Variants in SOX6 observed in about 807,000 individuals in gnomAD.
SOX6 encodes SRY-box transcription factor 6.
Under a neutral mutation model 97.8 loss-of-function variants are expected in SOX6, and 11 were observed. The observed-to-expected ratio is 0.11, with a 90% confidence interval of 0.07 to 0.19. The LOEUF (loss-of-function observed/expected upper bound fraction) is 0.19. Among genes scored for constraint, SOX6 ranks in the 10% least tolerant of loss-of-function variants. The probability of loss-of-function intolerance (pLI) is 1.00; values close to 1 mark genes in which losing one functional copy is unlikely to be tolerated. For synonymous variants in SOX6, 360 were observed against 371.4 expected, an observed-to-expected ratio of 0.97 and a Z score of 0.35; for missense variants, 810 against 1,039.5, an observed-to-expected ratio of 0.78 and a Z score of 3.04.
At chr11:16,429,332 T>A (rs1373122422) in intron 1 of SOX6, among the ~76,000 whole-genome samples, 1 of 151,982 alleles carries the variant, frequency 6.6e-6, no homozygotes, top group East Asian at 1.9e-4. Context: ...TGAGTACATA[T>A]CCAGAGGAAT....
chr11:16,685,251 T>A (rs1032673484), intron 3 of SOX6, among the ~76,000 whole-genome samples: 1 of 152,144 alleles, frequency 6.6e-6, no homozygotes, highest in Non-Finnish European at 1.5e-5. Context: ...TTCCCATTAG[T>A]CCCCCAAAGT....
intron 3 of SOX6, among the ~76,000 whole-genome samples, chr11:16,705,441 A>G (rs968435630): frequency 6.6e-6 from 1 of 152,072 alleles, no homozygotes; most frequent in Non-Finnish European, 1.5e-5. Flanking sequence ...CCTGGGCAAT[A>G]TAGAGAGACC....
At position 16,132,398 on chromosome 11, in the gene SOX6, GA is replaced by G. The variant is rs372372378; in HGVS notation, c.778-20476del. On this transcript the variant is annotated intron_variant, in intron 6 of 15. Transcript: ENST00000683767. ...AGAAAGAAAGAAAGAAAGAAAGAAA[GA>G]AAAAAGAAAGAAAGAAAGAAAGAAA... Among the ~76,000 whole-genome samples, 61 of 48,110 alleles carry G rather than the reference GA, an allele frequency of 1.3e-3. 3 individuals are homozygous for G. Among genetic ancestry groups the G allele is most frequent in the East Asian group, 7.6e-3 (11 of 1,440 alleles). 31.6% of individuals were successfully genotyped at this position (48,110 alleles called of 152,430 possible). A position where few individuals can be genotyped will look rare whatever the true frequency, so the allele number is the denominator to read the frequency against.
chr11:16,069,392 G>A (rs1259213956), intron 9 of SOX6, among the ~76,000 whole-genome samples: 1 of 152,054 alleles, frequency 6.6e-6, no homozygotes, highest in Non-Finnish European at 1.5e-5. Flanking sequence ...TGTTCTCTTA[G>A]TGAACTGCAA....
chr11:16,241,168 T>C (rs1853184853), intron 3 of SOX6, among the ~76,000 whole-genome samples: 1 of 152,038 alleles, frequency 6.6e-6, no homozygotes, highest in South Asian at 2.1e-4. Context: ...AAAGCTCTCC[T>C]TTTCTGAATA....
intron 12 of SOX6, among the ~76,000 whole-genome samples, chr11:16,042,823 G>A (rs911129019): frequency 3.9e-5 from 6 of 152,138 alleles, no homozygotes; most frequent in Admixed American, 3.9e-4. Context: ...TTTTTCTCAA[G>A]TGATTCCCAG....
chr11:16,386,951 A>G (rs1858005482), intron 1 of SOX6, among the ~76,000 whole-genome samples: 1 of 152,186 alleles, frequency 6.6e-6, no homozygotes, highest in Non-Finnish European at 1.5e-5. Context: ...CCAAATATTC[A>G]TTATGTGAGT....
chr11:16,010,154 A>ACACG (rs1370853827), intron 13 of SOX6, among the ~76,000 whole-genome samples: 38 of 151,744 alleles, frequency 2.5e-4, no homozygotes, highest in African/African-American at 8.9e-4. Context: ...ACACACACAC[A>ACACG]CACACACACA....
Position 16,346,762 on chromosome 11 carries a change from A to G in SOX6, c.-4-5510T>C, listed in dbSNP as rs568732752. On this transcript the variant is annotated intron_variant, in intron 1 of 15. Transcript: ENST00000683767. ...GTAACTATTAGAAGAAAACTCACTG[A>G]TTAGAATTAGCTGTCAAATCAATGG... is the stretch of plus-strand genomic sequence containing the variant. Among the ~76,000 whole-genome samples, 6 of 152,220 alleles carry G rather than the reference A, an allele frequency of 3.9e-5. No individual in the cohort carries two copies. The South Asian group carries it at 1.2e-3, about 31-fold the overall frequency.
rs190949787 is a variant in SOX6, at chr11:16,567,576, T to C, written n.609+44505A>G. Among the ~76,000 whole-genome samples the C allele has an allele frequency of 9.4e-4, 133 of 140,958 alleles. 3 individuals carry two copies. The East Asian group carries it at 0.022, about 23-fold the overall frequency. The allele number at this position is 140,958 out of a possible 152,430, so 92.5% of individuals were successfully genotyped here. A position where few individuals can be genotyped will look rare whatever the true frequency, so the allele number is the denominator to read the frequency against. On this transcript the variant is annotated intron_variant and non_coding_transcript_variant, in intron 4 of 5. Transcript: ENST00000524520. ...ATATTTTTTTCTTTTTTTTTTTTTT[T>C]TTTTTTTTTTGAGACGGAGTCTCGC...
intron 2 of SOX6, among the ~76,000 whole-genome samples, chr11:16,733,154 T>C (rs1445856831): frequency 1.3e-5 from 2 of 152,262 alleles, no homozygotes; most frequent in Non-Finnish European, 2.9e-5. Context: ...TCAACCATTG[T>C]GGAAGACAGT....
rs1853157630 is a variant in SOX6 at position 15,966,965 on chromosome 11, A to G, written c.*5844T>C. On this transcript the variant is annotated 3_prime_UTR_variant, in exon 16 of 16. Transcript: ENST00000683767. ...CCTTAGCAAACTTTTTATTATTATTATTATCAAGAGGAGAGTGTGAGAAAG... is the reference window on the plus strand; with the variant it reads ...CCTTAGCAAACTTTTTATTATTATTGTTATCAAGAGGAGAGTGTGAGAAAG... 1 of 152,052 alleles carries G rather than the reference A, an allele frequency of 6.6e-6. No homozygotes were observed. The highest frequency in any genetic ancestry group is 2.1e-4 in the South Asian group (1 of 4,830). The allele number at this position is 152,052 out of a possible 1,614,324, so 9.4% of individuals were successfully genotyped here. A position where few individuals can be genotyped will look rare whatever the true frequency, so the allele number is the denominator to read the frequency against.
At chr11:16,536,497 G>C (rs1175484793) in intron 4 of SOX6, among the ~76,000 whole-genome samples, 1 of 152,152 alleles carries the variant, frequency 6.6e-6, no homozygotes, top group Non-Finnish European at 1.5e-5. Context: ...AGAAGGGCGG[G>C]GCATCGCCTC....
At chr11:16,034,672 G>A (rs1855471103) in intron 12 of SOX6, among the ~76,000 whole-genome samples, 1 of 152,106 alleles carries the variant, frequency 6.6e-6, no homozygotes, top group Non-Finnish European at 1.5e-5. Flanking sequence ...ACACCACAAA[G>A]GGAAGGGAGT....
At chr11:16,623,217 C>T (rs1012061335) in intron 3 of SOX6, among the ~76,000 whole-genome samples, 13 of 152,076 alleles carry the variant, frequency 8.5e-5, no homozygotes, top group African/African-American at 3.1e-4. Context: ...GACGGGGTTT[C>T]ACCATGTTGG....
intron 1 of SOX6, among the ~76,000 whole-genome samples, chr11:16,370,938 C>T (rs1277587933): frequency 2.0e-5 from 3 of 151,952 alleles, no homozygotes; most frequent in African/African-American, 4.8e-5. Flanking sequence ...CCTGTTTCTA[C>T]TCTTCTTCAT....
At chr11:16,655,464 G>A (rs1047078049) in intron 3 of SOX6, among the ~76,000 whole-genome samples, 1 of 152,166 alleles carries the variant, frequency 6.6e-6, no homozygotes, top group Non-Finnish European at 1.5e-5. Context: ...AGAATGAAAT[G>A]GAGCCTGAAG....
chr11:16,266,900 C>T (rs1023623168), intron 3 of SOX6, among the ~76,000 whole-genome samples: 2 of 151,378 alleles, frequency 1.3e-5, no homozygotes, highest in African/African-American at 4.8e-5. Flanking sequence ...GACTTAAATA[C>T]AACCATATCA....
intron 3 of SOX6, among the ~76,000 whole-genome samples, chr11:16,635,348 G>A (rs750572692): frequency 6.6e-6 from 1 of 152,336 alleles, no homozygotes; most frequent in East Asian, 1.9e-4. Flanking sequence ...AGATGGAGAT[G>A]AGGAACTTGT....
Sources: allele counts gnomAD v4.1 joint callset (sites outside exome capture counted in the v4.1 genomes callset), GRCh38; gene constraint gnomAD v4.1.1; transcripts MANE v1.5; gene names NCBI Gene and HGNC (gene_info 2026-07-23, HGNC 2026-07-21).